SPMIP4: variants seen among roughly 807,000 people sequenced by gnomAD.
SPMIP4 encodes sperm-associated microtubule inner protein 4.
the SPMIP4 span, chr7:25,155,238 A>T: frequency 0.59 from 865,436 of 1,469,252 alleles, 257,231 homozygotes; most frequent in Non-Finnish European, 0.61. Context: ...GAACAGAAAG[A>T]AGTATGGTTG....
At chr7:25,176,791 T>G in the SPMIP4 span, among the ~76,000 whole-genome samples, 2 of 152,248 alleles carry the variant, frequency 1.3e-5, no homozygotes, top group African/African-American at 4.8e-5. The surrounding 1 kb of genome is among the most constrained non-coding windows in gnomAD (Gnocchi z 4.4). Context: ...TTATGAGGAA[T>G]GTGTGTTAGT....
chr7:25,161,127 A>G, the SPMIP4 span: 4 of 1,001,356 alleles, frequency 4.0e-6, no homozygotes, highest in African/African-American at 5.0e-5. Context: ...AATGTCTCAT[A>G]TAACTCATTT....
At chr7:25,173,713 C>T in the SPMIP4 span, among the ~76,000 whole-genome samples, 1 of 152,142 alleles carries the variant, frequency 6.6e-6, no homozygotes, top group Non-Finnish European at 1.5e-5. This position sits in a 1 kb window ranked among gnomAD's most constrained non-coding sequence, Gnocchi z 4.4. Context: ...ACAACCTAAG[C>T]TTTAATATCT....
the SPMIP4 span, among the ~76,000 whole-genome samples, chr7:25,152,671 CTTCT>C: frequency 6.6e-6 from 1 of 151,420 alleles, no homozygotes; most frequent in Non-Finnish European, 1.5e-5. Context: ...TCCTTCCTTC[CTTCT>C]TTCCTTCCTC....
At chr7:25,148,226 C>G in the SPMIP4 span, among the ~76,000 whole-genome samples, 18 of 152,280 alleles carry the variant, frequency 1.2e-4, no homozygotes, top group Admixed American at 7.8e-4. Flanking sequence ...TTCTAATGTG[C>G]AGCCAAGGTT....
chr7:25,126,146 C>T, the SPMIP4 span, among the ~76,000 whole-genome samples: 1 of 152,156 alleles, frequency 6.6e-6, no homozygotes, highest in African/African-American at 2.4e-5. Flanking sequence ...CTATCCATCA[C>T]CTCAAGCATT....
the SPMIP4 span, among the ~76,000 whole-genome samples, chr7:25,169,542 G>T: frequency 5.9e-5 from 9 of 152,128 alleles, no homozygotes; most frequent in Admixed American, 5.9e-4. Context: ...CCATTTTGTA[G>T]TATGTGTCCA....
At chr7:25,158,278 GGATC>G in the SPMIP4 span, among the ~76,000 whole-genome samples, 2 of 150,190 alleles carry the variant, frequency 1.3e-5, no homozygotes, top group South Asian at 4.2e-4. Context: ...GAAGGTGGAA[GGATC>G]ACCTCATCCC....
At chr7:25,156,300 C>T in the SPMIP4 span, among the ~76,000 whole-genome samples, 848 of 152,204 alleles carry the variant, frequency 5.6e-3, 3 homozygotes, top group Middle Eastern at 0.02. Context: ...AAGGAACCAA[C>T]CCTGCTGAGG....
chr7:25,125,940 G>A, the SPMIP4 span: 1 of 985,396 alleles, frequency 1.0e-6, no homozygotes, highest in Non-Finnish European at 1.2e-6. Flanking sequence ...TGAGGAAGGT[G>A]CTGCATTTGC....
the SPMIP4 span, among the ~76,000 whole-genome samples, chr7:25,150,461 G>A: frequency 6.6e-6 from 1 of 152,158 alleles, no homozygotes; most frequent in South Asian, 2.1e-4. Flanking sequence ...GTGACATGGC[G>A]ATGACCACAT....
chr7:25,130,844 GAAGC>G, the SPMIP4 span, among the ~76,000 whole-genome samples: 1 of 152,252 alleles, frequency 6.6e-6, no homozygotes, highest in Non-Finnish European at 1.5e-5. Context: ...TGTGAGGTTA[GAAGC>G]AAGATGGAAA....
chr7:25,173,231 A>G, the SPMIP4 span, among the ~76,000 whole-genome samples: 2 of 152,148 alleles, frequency 1.3e-5, no homozygotes, highest in African/African-American at 4.8e-5. The surrounding 1 kb of genome is among the most constrained non-coding windows in gnomAD (Gnocchi z 4.4). Context: ...CCCCACCTGT[A>G]ATAATTGTTG....
the SPMIP4 span, among the ~76,000 whole-genome samples, chr7:25,166,305 T>C: frequency 1.4e-5 from 2 of 141,964 alleles, no homozygotes; most frequent in Non-Finnish European, 3.0e-5. Flanking sequence ...AAGAACAGGA[T>C]TGCCGGGCGT....
At chr7:25,135,569 T>A in the SPMIP4 span, 5 of 931,350 alleles carry the variant, frequency 5.4e-6, no homozygotes, top group African/African-American at 7.2e-5. Flanking sequence ...TTTATTAAGA[T>A]ACTATAATTT....
chr7:25,138,424 T>C, the SPMIP4 span, among the ~76,000 whole-genome samples: 4 of 152,064 alleles, frequency 2.6e-5, no homozygotes, highest in African/African-American at 9.7e-5. The surrounding 1 kb of genome is among the most constrained non-coding windows in gnomAD (Gnocchi z 6.2). Flanking sequence ...GAAGATAGAG[T>C]CTTGTTATGT....
the SPMIP4 span, chr7:25,168,575 T>C: frequency 1.1e-6 from 1 of 895,410 alleles, no homozygotes; most frequent in Non-Finnish European, 1.7e-6. Flanking sequence ...TCAGATTAAA[T>C]CTTCAGAACA....
chr7:25,140,071 G>A, the SPMIP4 span, among the ~76,000 whole-genome samples: 5 of 152,244 alleles, frequency 3.3e-5, no homozygotes, highest in African/African-American at 1.2e-4. Context: ...ATACAGGGTC[G>A]AATCTCTGGA....
chr7:25,163,146 GA>G, the SPMIP4 span, among the ~76,000 whole-genome samples: 161 of 152,320 alleles, frequency 1.1e-3, 1 homozygote, highest in African/African-American at 3.7e-3. This position sits in a 1 kb window ranked among gnomAD's most constrained non-coding sequence, Gnocchi z 4.4. Flanking sequence ...TGTAAAAAGA[GA>G]CACAGAGAGA....
Sources: allele counts gnomAD v4.1 joint callset (sites outside exome capture counted in the v4.1 genomes callset), GRCh38; gene constraint gnomAD v4.1.1; non-coding constraint Gnocchi (gnomAD v3.1); transcripts MANE v1.5; gene names NCBI Gene and HGNC (gene_info 2026-07-23, HGNC 2026-07-21).